Variants in GGTA1 observed in about 807,000 individuals in gnomAD.
The protein encoded by GGTA1 is inactive N-acetyllactosaminide alpha-1,3-galactosyltransferase.
GGTA1 carries 5 observed loss-of-function variants against 2.6 expected under a neutral mutation model. That is an observed-to-expected ratio of 1.92 (90% CI 1.00 to 4.04). The LOEUF is 4.04. GGTA1 is among the 30% of genes most tolerant of loss of function. GGTA1 has a pLI of 0.00. For missense variants in GGTA1, 50 were observed against 16.7 expected (o/e 2.99, Z -3.47); for synonymous variants, 17 against 5.0 (o/e 3.38, Z -3.19).
At chr9:121,493,953 TGC>T (rs1455501291) in intron 1 of GGTA1, among the ~76,000 whole-genome samples, 1 of 151,742 alleles carries the variant, frequency 6.6e-6, no homozygotes, top group East Asian at 1.9e-4. Context: ...GACGGGGTTT[TGC>T]CATGTTGACT....
At chr9:121,457,390 G>A (rs77552913) in intron 5 of GGTA1, among the ~76,000 whole-genome samples, 15,774 of 152,178 alleles carry the variant, frequency 0.1, 1,048 homozygotes, top group African/African-American at 0.19. Flanking sequence ...CATGAAAATG[G>A]ATGAGAGCAC....
chr9:121,465,629 G>A (rs1438079850), intron 2 of GGTA1, among the ~76,000 whole-genome samples: 1 of 132,788 alleles, frequency 7.5e-6, no homozygotes, highest in Non-Finnish European at 1.8e-5. Context: ...CATCACGTGT[G>A]GATACAGGGA....
chr9:121,457,698 C>CT (rs1263027315), intron 5 of GGTA1, among the ~76,000 whole-genome samples: 1 of 49,564 alleles, frequency 2.0e-5, no homozygotes, highest in Non-Finnish European at 5.5e-5. Flanking sequence ...GAGAATCCAT[C>CT]TTAAAAAAAA....
chr9:121,480,920 G>A (rs868350376), intron 1 of GGTA1, among the ~76,000 whole-genome samples: 33 of 152,190 alleles, frequency 2.2e-4, no homozygotes, highest in Admixed American at 9.2e-4. Context: ...TTGGGAGGCC[G>A]AGGCGGGTGG....
chr9:121,495,907 G>A (rs982376355), intron 1 of GGTA1, among the ~76,000 whole-genome samples: 1 of 152,202 alleles, frequency 6.6e-6, no homozygotes, highest in African/African-American at 2.4e-5. Flanking sequence ...TGCCCATTGG[G>A]CAGTTAAACA....
intron 1 of GGTA1, among the ~76,000 whole-genome samples, chr9:121,495,794 G>A (rs886917648): frequency 3.9e-5 from 6 of 152,118 alleles, no homozygotes; most frequent in African/African-American, 1.4e-4. Context: ...TCAGCTAGTG[G>A]CACCATCATT....
chr9:121,485,022 C>T (rs1828730163), intron 1 of GGTA1, among the ~76,000 whole-genome samples: 1 of 152,252 alleles, frequency 6.6e-6, no homozygotes, highest in South Asian at 2.1e-4. Context: ...GAAAGTGACT[C>T]TGTCTGTGAA....
chr9:121,445,675 T>A (rs2064849022), exon 8 of GGTA1: 2 of 152,244 alleles, frequency 1.3e-5, no homozygotes. Flanking sequence ...GATCTTCCAT[T>A]GTTATGGCTC....
chr9:121,490,404 C>T (rs564723412), intron 1 of GGTA1, among the ~76,000 whole-genome samples: 1 of 152,312 alleles, frequency 6.6e-6, no homozygotes, highest in South Asian at 2.1e-4. Flanking sequence ...GGCTTTTGCC[C>T]TCCCTCAGCT....
At position 121,457,911 on chromosome 9, in the gene GGTA1, CT is replaced by C. The variant is rs530400416; in HGVS notation, c.299-2071del. Reference sequence around the variant, plus strand: ...TTTAGGTAGTTTACAGAAAAGGATACTTTTTTTTTTTTTTTTGAGACAGAGT... The same window carrying C: ...TTTAGGTAGTTTACAGAAAAGGATACTTTTTTTTTTTTTTTGAGACAGAGT... On this transcript the variant is annotated intron_variant, in intron 5 of 5. Transcript: ENST00000481799. Among the ~76,000 whole-genome samples, 349 of 135,292 alleles carry C rather than the reference CT, an allele frequency of 2.6e-3. 5 individuals carry two copies. Among genetic ancestry groups the C allele is most frequent in the East Asian group, 0.011 (49 of 4,588 alleles). The allele number at this position is 135,292 out of a possible 152,430, so 88.8% of individuals were successfully genotyped here. A position where few individuals can be genotyped will look rare whatever the true frequency, so the allele number is the denominator to read the frequency against.
chr9:121,451,859 TG>T (rs2064879803), downstream of GGTA1: 1 of 152,274 alleles, frequency 6.6e-6, no homozygotes, highest in South Asian at 2.1e-4. Context: ...GAGGTGGTTG[TG>T]GGTATGCTGT....
chr9:121,478,771 CT>C (rs758865933), intron 1 of GGTA1, among the ~76,000 whole-genome samples: 41 of 152,248 alleles, frequency 2.7e-4, no homozygotes, highest in Non-Finnish European at 5.1e-4. Flanking sequence ...TCTTACAGTG[CT>C]TTCTCTCGAA....
At chr9:121,461,393 A>G (rs560998970) in intron 3 of GGTA1, 76 bp from the exon 4 acceptor site, 6 of 416,330 alleles carry the variant, frequency 1.4e-5, no homozygotes, top group East Asian at 1.4e-4. Context: ...AATTCTTTCT[A>G]TAGCCGAGAT....
At chr9:121,491,622 T>G (rs2118768566) in intron 1 of GGTA1, among the ~76,000 whole-genome samples, 1 of 152,182 alleles carries the variant, frequency 6.6e-6, no homozygotes, top group East Asian at 1.9e-4. Context: ...CTTGTTTTCT[T>G]TTTTTGAGAT....
In GGTA1 at chr9:121,474,133, G is replaced by C. The variant is rs534115199; in HGVS notation, c.-9-6202C>G. 9.2e-5 allele frequency among the ~76,000 whole-genome samples: 14 copies of C among 152,272 alleles called. No individual in the cohort carries two copies. In the South Asian group the frequency reaches 2.5e-3, roughly 27 times the overall value. On this transcript the variant is annotated intron_variant, in intron 1 of 5. Transcript: ENST00000481799. ...AGTATTAACACCCTGTCTTAAGTGG[G>C]AGAGTGGAACCCTGATGTCCCCTGG... is the stretch of plus-strand genomic sequence containing the variant.
intron 1 of GGTA1, among the ~76,000 whole-genome samples, chr9:121,474,251 T>C (rs1433666932): frequency 6.6e-6 from 1 of 152,164 alleles, no homozygotes; most frequent in Non-Finnish European, 1.5e-5. Flanking sequence ...TCAGACCCTC[T>C]GCCTTAATAC....
chr9:121,486,741 C>A (rs1398793101), intron 1 of GGTA1, among the ~76,000 whole-genome samples: 1 of 152,210 alleles, frequency 6.6e-6, no homozygotes, highest in African/African-American at 2.4e-5. Context: ...CAATCCCTAC[C>A]ACCTGGCTTT....
At chr9:121,494,036 C>T (rs574903602) in intron 1 of GGTA1, among the ~76,000 whole-genome samples, 255 of 152,240 alleles carry the variant, frequency 1.7e-3, no homozygotes, top group Non-Finnish European at 7.8e-4. Context: ...GGATTACAGT[C>T]GTGAACCACC....
At chr9:121,482,036 A>C (rs1418725028) in intron 1 of GGTA1, among the ~76,000 whole-genome samples, 1 of 151,902 alleles carries the variant, frequency 6.6e-6, no homozygotes, top group African/African-American at 2.4e-5. Flanking sequence ...GAAATCAGAA[A>C]TCTTCCTGCT....
Sources: allele counts gnomAD v4.1 joint callset (sites outside exome capture counted in the v4.1 genomes callset), GRCh38; gene constraint gnomAD v4.1.1; transcripts MANE v1.5; gene names NCBI Gene and HGNC (gene_info 2026-07-23, HGNC 2026-07-21).